Variants in EHBP1 observed in about 807,000 individuals in gnomAD.
The protein encoded by EHBP1 is EH domain binding protein 1, also known as EH domain-binding protein 1.
EHBP1 carries 55 observed loss-of-function variants against 144.0 expected under a neutral mutation model. The ratio of observed to expected loss-of-function variants is 0.38; its 90% CI spans 0.31 to 0.48. The LOEUF is 0.48. EHBP1 is among the 20% of genes least tolerant of loss of function. The pLI is 0.98. For missense variants in EHBP1, 1,200 were observed against 1,364.2 expected (o/e 0.88, Z 1.90); for synonymous variants, 469 against 472.7 (o/e 0.99, Z 0.10).
chr2:62,885,958 G>C (rs182993813), intron 10 of EHBP1, among the ~76,000 whole-genome samples: 1 of 152,302 alleles, frequency 6.6e-6, no homozygotes, highest in Admixed American at 6.5e-5. Context: ...CTTCTTTCTA[G>C]AAAGTTCTAA....
chr2:62,804,659 G>A (rs1380548189), intron 5 of EHBP1, among the ~76,000 whole-genome samples: 1 of 152,146 alleles, frequency 6.6e-6, no homozygotes, highest in East Asian at 1.9e-4. Context: ...AGTATAAATT[G>A]GTATTGTATA....
At chr2:62,750,615 G>A (rs1158086897) in intron 3 of EHBP1, among the ~76,000 whole-genome samples, 2 of 152,184 alleles carry the variant, frequency 1.3e-5, no homozygotes, top group Non-Finnish European at 2.9e-5. Flanking sequence ...CTATCCATGA[G>A]CGTGGAATGT....
At chr2:62,785,917 A>G (rs957378803) in intron 5 of EHBP1, among the ~76,000 whole-genome samples, 26 of 151,768 alleles carry the variant, frequency 1.7e-4, no homozygotes, top group Non-Finnish European at 4.4e-5. Flanking sequence ...TCCTTTCCTC[A>G]TCCATCAGAG....
intron 21 of EHBP1, 157 bp from the exon 22 acceptor site, chr2:63,044,909 C>T (rs963732497): frequency 6.7e-6 from 4 of 598,832 alleles, no homozygotes; most frequent in South Asian, 4.3e-5. Context: ...GAAGCCTTCA[C>T]CACAACAGCC....
chr2:62,823,941 C>T (rs570611702), intron 5 of EHBP1, among the ~76,000 whole-genome samples: 7 of 152,116 alleles, frequency 4.6e-5, no homozygotes, highest in South Asian at 2.1e-4. Flanking sequence ...GGGCTCTTTG[C>T]ATTGTTCCTA....
At chr2:62,974,872 A>G (rs912159243) in intron 14 of EHBP1, among the ~76,000 whole-genome samples, 34 of 152,222 alleles carry the variant, frequency 2.2e-4, no homozygotes, top group Admixed American at 1.7e-3. Flanking sequence ...ACTTAAGCAT[A>G]TGTTCCAGTT....
intron 2 of EHBP1, among the ~76,000 whole-genome samples, chr2:62,710,677 TA>T (rs769503111): frequency 1.0e-3 from 156 of 151,100 alleles, no homozygotes; most frequent in Non-Finnish European, 1.5e-3. Context: ...ATTTGAAAGG[TA>T]AAAAAAAAGT....
At chr2:62,881,476 G>A (rs1207599585) in intron 10 of EHBP1, among the ~76,000 whole-genome samples, 1 of 150,060 alleles carries the variant, frequency 6.7e-6, no homozygotes, top group Non-Finnish European at 1.5e-5. Flanking sequence ...GAAGGAGAAG[G>A]GGAAGGGGAA....
intron 10 of EHBP1, among the ~76,000 whole-genome samples, chr2:62,886,000 C>A (rs75614065): frequency 0.02 from 3,021 of 152,312 alleles, 43 homozygotes; most frequent in Non-Finnish European, 0.03. Context: ...TGGATGTTTT[C>A]AGACTTGAGT....
intron 5 of EHBP1, among the ~76,000 whole-genome samples, chr2:62,806,913 T>C (rs937506369): frequency 6.6e-6 from 1 of 152,136 alleles, no homozygotes; most frequent in Non-Finnish European, 1.5e-5. Context: ...TTCTTTTTAC[T>C]TATATATAAG....
At chr2:62,881,282 C>T (rs990826657) in intron 10 of EHBP1, among the ~76,000 whole-genome samples, 1 of 151,944 alleles carries the variant, frequency 6.6e-6, no homozygotes, top group Admixed American at 6.6e-5. Flanking sequence ...AAAAAATCTA[C>T]TTACTGGATA....
chr2:63,037,535 G>C lies in EHBP1; in HGVS notation c.3104G>C (p.Gly1035Ala). 3.1e-6 allele frequency: 5 copies of C among 1,599,818 alleles called. No homozygotes were observed. Among genetic ancestry groups the C allele is most frequent in the Non-Finnish European group, 4.3e-6 (5 of 1,172,020 alleles). Residue 1035 changes from glycine to alanine, a missense_variant and splice_region_variant, in exon 20 of 23, where the codon GGA becomes GCA. Around this residue, in one of 6 missense-constraint regions of EHBP1, gnomAD observed 149 missense variants for 217.0 expected, o/e 0.69. Transcript: ENST00000431489. ...EKRLRYLMDT[G>A]RNTEEEEAMM... ...AAAGGTAACTCTTCCCGAATTATAG[G>C]AAGGAACACAGAAGAAGAAGAAGCT...
At chr2:62,731,220 C>G (rs1186264285) in intron 2 of EHBP1, among the ~76,000 whole-genome samples, 2 of 151,844 alleles carry the variant, frequency 1.3e-5, no homozygotes, top group Non-Finnish European at 2.9e-5. Context: ...TCCAATTGTT[C>G]ATTGCTGATG....
At chr2:63,037,900 T>C (rs975371008) in intron 20 of EHBP1, among the ~76,000 whole-genome samples, 1 of 152,000 alleles carries the variant, frequency 6.6e-6, no homozygotes. Flanking sequence ...AAATCACTTA[T>C]ACAAGGAAAG....
upstream of EHBP1, among the ~76,000 whole-genome samples, chr2:62,701,909 G>C (rs2034291938): frequency 6.6e-6 from 1 of 152,108 alleles, no homozygotes; most frequent in African/African-American, 2.4e-5. Context: ...TTATTATTGG[G>C]AGCAAATCTT....
chr2:62,823,706 T>C (rs2046150011), intron 5 of EHBP1, among the ~76,000 whole-genome samples: 1 of 152,128 alleles, frequency 6.6e-6, no homozygotes, highest in Non-Finnish European at 1.5e-5. Context: ...TCTTAAAATG[T>C]ATTTTCTGAG....
chr2:62,865,995 A>G lies in EHBP1; in HGVS notation c.998+1024A>G, dbSNP rs1388894814. Among the ~76,000 whole-genome samples the G allele has an allele frequency of 2.6e-5, 4 of 152,338 alleles. No homozygotes were observed. The East Asian group carries it at 7.7e-4, about 29-fold the overall frequency. ...CTCCTGAGTCTTTAGCTGAGTGTGG[A>G]TCAGAGCTTGCGTGTGAGGAAATCA... On this transcript the variant is annotated intron_variant, in intron 9 of 22. Transcript: ENST00000431489.
At chr2:62,847,526 AC>A (rs1320723726) in intron 7 of EHBP1, among the ~76,000 whole-genome samples, 1 of 152,208 alleles carries the variant, frequency 6.6e-6, no homozygotes, top group African/African-American at 2.4e-5. Flanking sequence ...TTTAAAACTT[AC>A]ACTAATCAAA....
At chr2:62,699,081 A>T (rs568386150) in intron 1 of EHBP1, among the ~76,000 whole-genome samples, 1 of 152,212 alleles carries the variant, frequency 6.6e-6, no homozygotes, top group African/African-American at 2.4e-5. Flanking sequence ...CTCCAAGATT[A>T]TGAATTTCTA....
Sources: allele counts gnomAD v4.1 joint callset (sites outside exome capture counted in the v4.1 genomes callset), GRCh38; gene constraint gnomAD v4.1.1; regional missense constraint gnomAD v4.1.1; transcripts MANE v1.5; gene names NCBI Gene and HGNC (gene_info 2026-07-23, HGNC 2026-07-21).